Variants in CLMP observed in about 807,000 individuals in gnomAD.
The protein encoded by CLMP is CXADR like cell adhesion molecule.
In CLMP, 27 loss-of-function variants were observed where a neutral mutation model predicts 45.2. The ratio of observed to expected loss-of-function variants is 0.60; its 90% CI spans 0.44 to 0.82. CLMP has a LOEUF of 0.82. Ranked by LOEUF, CLMP falls within the 40% of genes least tolerant of loss-of-function variation. The probability of loss-of-function intolerance (pLI) is 0.00; values close to 1 mark genes in which losing one functional copy is unlikely to be tolerated. For missense variants in CLMP, 403 were observed against 448.4 expected (o/e 0.90, Z 0.91); for synonymous variants, 167 against 171.4 (o/e 0.97, Z 0.20).
intron 1 of CLMP, among the ~76,000 whole-genome samples, chr11:123,170,323 G>A (rs1428469887): frequency 6.6e-6 from 1 of 152,120 alleles, no homozygotes; most frequent in Non-Finnish European, 1.5e-5. Context: ...AACTCCCCAG[G>A]CCTCTTAGGT....
At position 123,070,904 on chromosome 11, in the gene CLMP, A is replaced by G. The variant is rs1430567079; in HGVS notation, c.*2570T>C. The G allele has an allele frequency of 6.6e-6, 1 of 152,232 alleles. No individual in the cohort carries two copies. The highest frequency in any genetic ancestry group is 1.5e-5 in the Non-Finnish European group (1 of 68,038). 9.4% of individuals were successfully genotyped at this position (152,232 alleles called of 1,614,324 possible). On this transcript the variant is annotated 3_prime_UTR_variant, in exon 7 of 7. Transcript: ENST00000448775. The stretch of plus-strand genomic sequence containing the variant: ...CCTTTTTTAGAGGAAGAAAATACTC[A>G]GGCTAAAACTTTCACCCAAGCATAA...
At chr11:123,079,392 A>G (rs1489942954) in intron 5 of CLMP, among the ~76,000 whole-genome samples, 44 of 151,754 alleles carry the variant, frequency 2.9e-4, no homozygotes, top group Non-Finnish European at 1.5e-4. Context: ...GGGCCTCTTT[A>G]TTCATGTTTA....
chr11:123,181,740 G>T (rs1861773239), intron 1 of CLMP, among the ~76,000 whole-genome samples: 1 of 152,196 alleles, frequency 6.6e-6, no homozygotes, highest in Non-Finnish European at 1.5e-5. Context: ...ACACACAGAA[G>T]AAATTGTTAT....
intron 1 of CLMP, among the ~76,000 whole-genome samples, chr11:123,171,067 C>T (rs1490695437): frequency 6.6e-6 from 1 of 152,152 alleles, no homozygotes; most frequent in Non-Finnish European, 1.5e-5. Flanking sequence ...ACCAGCTCTG[C>T]TTGGGGTTGA....
chr11:123,087,545 C>G (rs1001239352), intron 2 of CLMP, among the ~76,000 whole-genome samples: 1 of 150,542 alleles, frequency 6.6e-6, no homozygotes, highest in East Asian at 2.0e-4. Flanking sequence ...ATTTGCGGCT[C>G]GGTGCAGTGG....
At chr11:123,186,019 G>C (rs1861830359) in intron 1 of CLMP, among the ~76,000 whole-genome samples, 1 of 152,130 alleles carries the variant, frequency 6.6e-6, no homozygotes, top group South Asian at 2.1e-4. Flanking sequence ...GTCTGTCTGT[G>C]TGTCACTGTA....
At chr11:123,150,582 A>AAAGGAAGGAAGG (rs57990609) in intron 1 of CLMP, among the ~76,000 whole-genome samples, 1 of 116,846 alleles carries the variant, frequency 8.6e-6, no homozygotes, top group African/African-American at 3.7e-5. Context: ...GGAAGGAAGG[A>AAAGGAAGGAAGG]AAGGAAGGAA....
At chr11:123,089,732 G>C (rs1274900190) in intron 2 of CLMP, among the ~76,000 whole-genome samples, 1 of 138,844 alleles carries the variant, frequency 7.2e-6, no homozygotes, top group Admixed American at 7.8e-5. Flanking sequence ...AGCCAAGATC[G>C]CACCACTGCA....
chr11:123,125,551 CCCTCCCTCCCTT>C (rs1860880177), intron 1 of CLMP, among the ~76,000 whole-genome samples: 2 of 115,916 alleles, frequency 1.7e-5, no homozygotes, highest in African/African-American at 3.2e-5. Context: ...CCCTCCCCTC[CCCTCCCTCCCTT>C]CCTCCCTCCC....
At chr11:123,084,461 T>C in intron 3 of CLMP, 51 bp downstream of exon 3, 3 of 1,474,914 alleles carry the variant, frequency 2.0e-6, no homozygotes, top group Non-Finnish European at 2.8e-6. Flanking sequence ...CTATCCCTCT[T>C]AGATACCTTA....
At chr11:123,192,675 G>A (rs1262447664) in intron 1 of CLMP, among the ~76,000 whole-genome samples, 1 of 152,124 alleles carries the variant, frequency 6.6e-6, no homozygotes, top group Non-Finnish European at 1.5e-5. Context: ...ACATCAGAGA[G>A]GTGGGTTATT....
At chr11:123,147,758 G>A (rs1278743365) in intron 1 of CLMP, among the ~76,000 whole-genome samples, 1 of 151,996 alleles carries the variant, frequency 6.6e-6, no homozygotes, top group African/African-American at 2.4e-5. Flanking sequence ...GGAAACAGTT[G>A]TTGAAGAAAT....
At chr11:123,081,862 G>GAA (rs569269048) in intron 5 of CLMP, among the ~76,000 whole-genome samples, 23 of 97,742 alleles carry the variant, frequency 2.4e-4, no homozygotes, top group South Asian at 6.0e-4. Context: ...ACCCTGTCCA[G>GAA]AAAAAAAAAA....
In CLMP at chr11:123,073,586, C is replaced by T. The variant is rs774990680; in HGVS notation, c.1010G>A (p.Gly337Glu). 2 of 1,614,198 alleles carry T rather than the reference C, an allele frequency of 1.2e-6. No homozygotes were observed. The highest frequency in any genetic ancestry group is 1.1e-5 in the South Asian group (1 of 91,078). The change falls in exon 7 of 7, where the codon GGG becomes GAG. Residue 337 changes from glycine (G) to glutamate (E), a missense_variant. Gly to Glu is a moderately conservative substitution (Grantham distance 98). Coordinates refer to ENST00000448775, the MANE Select transcript of CLMP (RefSeq NM_024769.5). The part of the protein sequence containing the change: ...GLATQAYSLV[G>E]PEVRGSEPKK... ...TGGTTCAGAACCTCTCACCTCTGGCCCCACTAGGCTGTATGCCTGGGTGGC... is the reference window on the plus strand; with the variant it reads ...TGGTTCAGAACCTCTCACCTCTGGCTCCACTAGGCTGTATGCCTGGGTGGC...
intron 1 of CLMP, among the ~76,000 whole-genome samples, chr11:123,162,510 T>A (rs545501654): frequency 6.6e-6 from 1 of 152,320 alleles, no homozygotes; most frequent in East Asian, 1.9e-4. Context: ...GATGAATTAA[T>A]TGAGGGCTTG....
At chr11:123,136,102 G>A (rs569211827) in intron 1 of CLMP, 1 of 615,308 alleles carries the variant, frequency 1.6e-6, no homozygotes, top group Non-Finnish European at 3.2e-6. Flanking sequence ...CAGTTAATCT[G>A]CACGTAGCCA....
At chr11:123,162,891 T>G (rs1861506059) in intron 1 of CLMP, among the ~76,000 whole-genome samples, 1 of 148,962 alleles carries the variant, frequency 6.7e-6, no homozygotes. Context: ...GGTGATAGAG[T>G]GAGACCCTGT....
At chr11:123,172,236 C>T (rs778293932) in intron 1 of CLMP, among the ~76,000 whole-genome samples, 4 of 152,032 alleles carry the variant, frequency 2.6e-5, no homozygotes, top group Non-Finnish European at 5.9e-5. Context: ...CTCAGCCTCC[C>T]GAGTAGCTGA....
chr11:123,127,995 C>A (rs1860923570), intron 1 of CLMP, among the ~76,000 whole-genome samples: 1 of 146,332 alleles, frequency 6.8e-6, no homozygotes, highest in Non-Finnish European at 1.5e-5. Context: ...CAAGATCGCA[C>A]CATTGCACTC....
Sources: gnomAD v4.1 joint callset for allele counts (sites outside exome capture counted in the v4.1 genomes callset) on GRCh38, gnomAD v4.1.1 for gene constraint, MANE v1.5 for transcripts, NCBI Gene and HGNC (gene_info 2026-07-23, HGNC 2026-07-21) for gene names.